The following ARGLU1 variants were observed in gnomAD, a reference collection of about 807,000 sequenced individuals.
The protein encoded by ARGLU1 is arginine and glutamate rich 1.
In ARGLU1, 9 loss-of-function variants were observed where a neutral mutation model predicts 37.6. The observed-to-expected ratio is 0.24, with a 90% CI of 0.14 to 0.42. The LOEUF (loss-of-function observed/expected upper bound fraction) is 0.42, where lower values mean the gene tolerates loss of function less well. ARGLU1 is among the 10% of genes least tolerant of loss of function. The pLI is 1.00. For missense variants in ARGLU1, 211 were observed against 359.2 expected (o/e 0.59, Z 3.34); for synonymous variants, 166 against 138.5 (o/e 1.20, Z -1.39).
rs1259019292 is a variant in ARGLU1, at chr13:106,557,180, T to G, written c.574-49A>C. The G allele has an allele frequency of 6.8e-7, 1 of 1,466,072 alleles. No individual in the cohort carries two copies. The highest frequency in any genetic ancestry group is 9.5e-7 in the Non-Finnish European group (1 of 1,052,024). 90.8% of individuals were successfully genotyped at this position (1,466,072 alleles called of 1,614,324 possible). ...TATTAGAAAAACAAAATGTTTATTT[T>G]TATTGATAAATATTTACTAATCTTC... On this transcript the variant is annotated intron_variant, in intron 2 of 3. Transcript: ENST00000400198. The surrounding 1 kb of genome is among the most constrained non-coding windows in gnomAD (Gnocchi z 5.0).
intron 3 of ARGLU1, among the ~76,000 whole-genome samples, chr13:106,547,144 G>A (rs567391233): frequency 1.3e-5 from 2 of 152,032 alleles, no homozygotes; most frequent in Admixed American, 6.5e-5. Flanking sequence ...CTTCCACCAT[G>A]GGGAAACCTC....
At chr13:106,556,550 AC>A (rs5806594) in intron 3 of ARGLU1, among the ~76,000 whole-genome samples, 44,832 of 151,594 alleles carry the variant, frequency 0.3, 7,631 homozygotes, top group East Asian at 0.69. Context: ...GCTTTCCCCC[AC>A]CCCCATCTTT....
At position 106,542,441 on chromosome 13, in the gene ARGLU1, T is replaced by C. The variant is rs1373176727; in HGVS notation, c.*1555A>G. The C allele has an allele frequency of 6.6e-6, 1 of 152,140 alleles. No individual in the cohort carries two copies. The highest frequency in any genetic ancestry group is 2.4e-5 in the African/African-American group (1 of 41,460). 9.4% of individuals were successfully genotyped at this position (152,140 alleles called of 1,614,324 possible). ...GTATGTTTACTAAAAGTTCTCACTA[T>C]ATTTCATGCCTATTTAAAATTCTAC... On this transcript the variant is annotated 3_prime_UTR_variant, in exon 4 of 4. Coordinates refer to ENST00000400198, the MANE Select transcript of ARGLU1 (RefSeq NM_018011.4).
chr13:106,565,656 ACTTAAGT>A (rs1166433893), intron 1 of ARGLU1, among the ~76,000 whole-genome samples: 1 of 152,180 alleles, frequency 6.6e-6, no homozygotes, highest in Non-Finnish European at 1.5e-5. Flanking sequence ...AAGCTCCAAC[ACTTAAGT>A]CTTTCCATTG....
chr13:106,566,712 T>A (rs1029080507), intron 1 of ARGLU1, among the ~76,000 whole-genome samples: 1 of 152,158 alleles, frequency 6.6e-6, no homozygotes, highest in African/African-American at 2.4e-5. Context: ...AAACACACTC[T>A]AACTCTAGTT....
At chr13:106,562,911 G>T (rs769747242) in intron 1 of ARGLU1, among the ~76,000 whole-genome samples, 3 of 149,596 alleles carry the variant, frequency 2.0e-5, no homozygotes, top group Non-Finnish European at 3.0e-5. Context: ...TACTCGGGAG[G>T]CTGAGGCAGG....
At chr13:106,556,042 T>C (rs1276333351) in intron 3 of ARGLU1, among the ~76,000 whole-genome samples, 1 of 152,206 alleles carries the variant, frequency 6.6e-6, no homozygotes, top group Non-Finnish European at 1.5e-5. Flanking sequence ...CTCTTCTTCC[T>C]ATCTGCACTG....
At position 106,567,611 on chromosome 13, in the gene ARGLU1, C is replaced by G. The variant is rs778349042; in HGVS notation, c.309G>C (p.Glu103Asp). The G allele has an allele frequency of 6.2e-7, 1 of 1,613,452 alleles. No individual in the cohort carries two copies. Among genetic ancestry groups the G allele is most frequent in the South Asian group, 1.1e-5 (1 of 91,068 alleles). Reference protein sequence around the residue: ...SSLDEKQKREEEEKKAEFERQ... With the variant: ...SSLDEKQKREDEEKKAEFERQ... ...GCTCGAACTCCGCTTTCTTCTCCTC[C>G]TCCTCTCGCTTCTGCTTCTCGTCCA... The change falls in exon 1 of 4, where the codon GAG (glutamate) becomes GAC (aspartate). Residue 103 changes from glutamate (E) to aspartate (D), a missense_variant. By Grantham distance (45) the Glu-to-Asp change is conservative (BLOSUM62 2). Coordinates refer to ENST00000400198, the MANE Select transcript of ARGLU1 (RefSeq NM_018011.4). This position sits in a 1 kb window ranked among gnomAD's most constrained non-coding sequence, Gnocchi z 4.3.
chr13:106,556,626 C>T (rs1880667895), intron 3 of ARGLU1, among the ~76,000 whole-genome samples: 1 of 152,030 alleles, frequency 6.6e-6, no homozygotes, highest in Non-Finnish European at 1.5e-5. Flanking sequence ...TAGGAAATTA[C>T]TCCGGTGCAC....
At chr13:106,556,701 A>G (rs117057759) in intron 3 of ARGLU1, among the ~76,000 whole-genome samples, 3,807 of 152,306 alleles carry the variant, frequency 0.025, 60 homozygotes, top group Admixed American at 0.035. Flanking sequence ...AAAATGCTGC[A>G]TATTATAGTT....
Position 106,567,492 on chromosome 13 carries a change from C to A in ARGLU1, c.347+81G>T, listed in dbSNP as rs1881002794. On this transcript the variant is annotated intron_variant, in intron 1 of 3. Transcript: ENST00000400198. This position sits in a 1 kb window ranked among gnomAD's most constrained non-coding sequence, Gnocchi z 4.3. Reference sequence around the variant, plus strand: ...CCGTCCCCGCCATTCTCCCGGCCCGCACCGTCCCGCCCCGGCCCCACGCCC... The same window carrying A: ...CCGTCCCCGCCATTCTCCCGGCCCGAACCGTCCCGCCCCGGCCCCACGCCC... The A allele has an allele frequency of 1.4e-5, 15 of 1,040,752 alleles. No homozygotes were observed. Among genetic ancestry groups the A allele is most frequent in the Non-Finnish European group, 2.1e-5 (15 of 701,544 alleles). 64.5% of individuals were successfully genotyped at this position (1,040,752 alleles called of 1,614,324 possible). A position where few individuals can be genotyped will look rare whatever the true frequency, so the allele number is the denominator to read the frequency against.
At chr13:106,564,432 A>T (rs1880902672) in intron 1 of ARGLU1, among the ~76,000 whole-genome samples, 1 of 152,224 alleles carries the variant, frequency 6.6e-6, no homozygotes, top group Non-Finnish European at 1.5e-5. Context: ...ATAAGTGGTA[A>T]ACCAATAAGG....
chr13:106,547,912 G>A (rs1880435123), intron 3 of ARGLU1, among the ~76,000 whole-genome samples: 1 of 152,106 alleles, frequency 6.6e-6, no homozygotes, highest in Non-Finnish European at 1.5e-5. Flanking sequence ...TACTAATTCT[G>A]CACTTTAGAT....
chr13:106,559,645 T>C lies in ARGLU1; in HGVS notation c.360A>G (p.Glu120=), dbSNP rs771779383. 3 of 1,611,670 alleles carry C rather than the reference T, an allele frequency of 1.9e-6. No individual in the cohort carries two copies. In the South Asian group the frequency reaches 3.3e-5, roughly 18 times the overall value. The change falls in exon 2 of 4, where the codon GAA becomes GAG. Residue 120 remains glutamate, a synonymous_variant. Transcript: ENST00000400198. ...CTTCCTCGATGAGTTTTTCTTCTAT[T>C]TCTTGCTGTCGACTAGCAAACAAAG... ...FERQRKIRQQ[E]IEEKLIEEET...
At chr13:106,554,801 C>G (rs1470948955) in intron 3 of ARGLU1, among the ~76,000 whole-genome samples, 1 of 151,514 alleles carries the variant, frequency 6.6e-6, no homozygotes, top group African/African-American at 2.4e-5. Context: ...AGGAGGATTG[C>G]TTGAATCTGG....
chr13:106,552,050 GGAT>G (rs1193998630), intron 3 of ARGLU1, among the ~76,000 whole-genome samples: 1 of 152,114 alleles, frequency 6.6e-6, no homozygotes, highest in Non-Finnish European at 1.5e-5. Flanking sequence ...AGGACAGAAG[GGAT>G]TTTTCAGCCT....
chr13:106,548,069 G>T (rs1018582420), intron 3 of ARGLU1, among the ~76,000 whole-genome samples: 1 of 152,122 alleles, frequency 6.6e-6, no homozygotes, highest in Non-Finnish European at 1.5e-5. Context: ...GTGCCTACTA[G>T]AAGTATTTAA....
At position 106,557,152 on chromosome 13, in the gene ARGLU1, A is replaced by T; in HGVS notation, c.574-21T>A. 5.1e-6 allele frequency: 8 copies of T among 1,577,952 alleles called. No homozygotes were observed. Among genetic ancestry groups the T allele is most frequent in the Non-Finnish European group, 6.9e-6 (8 of 1,151,116 alleles). ...TCCTCCTAAAGGGGAGGATATGTTA[A>T]GATATTAGAAAAACAAAATGTTTAT... On this transcript the variant is annotated intron_variant, in intron 2 of 3. Transcript: ENST00000400198. The surrounding 1 kb of genome is among the most constrained non-coding windows in gnomAD (Gnocchi z 5.0).
At chr13:106,549,911 T>A (rs1443388492) in intron 3 of ARGLU1, among the ~76,000 whole-genome samples, 1 of 152,208 alleles carries the variant, frequency 6.6e-6, no homozygotes, top group African/African-American at 2.4e-5. Context: ...CTGTATAATT[T>A]TGCCAAGGAA....
Sources: allele counts gnomAD v4.1 joint callset (sites outside exome capture counted in the v4.1 genomes callset), GRCh38; gene constraint gnomAD v4.1.1; non-coding constraint Gnocchi (gnomAD v3.1); transcripts MANE v1.5; gene names NCBI Gene and HGNC (gene_info 2026-07-23, HGNC 2026-07-21).